The following TYW1B variants were observed in gnomAD, a reference collection of about 807,000 sequenced individuals.
The protein encoded by TYW1B is S-adenosyl-L-methionine-dependent tRNA 4-demethylwyosine synthase TYW1B.
TYW1B carries 73 observed loss-of-function variants against 86.9 expected under a neutral mutation model. The ratio of observed to expected loss-of-function variants is 0.84; its 90% CI spans 0.70 to 1.02. The LOEUF is 1.02. Ranked by LOEUF, TYW1B falls within the 50% of genes least tolerant of loss-of-function variation. The pLI, the probability that TYW1B is intolerant of heterozygous loss-of-function variation, is 0.00. For missense variants in TYW1B, 637 were observed against 827.4 expected, an observed-to-expected ratio of 0.77 and a Z score of 2.82; for synonymous variants, 248 against 292.8, an observed-to-expected ratio of 0.85 and a Z score of 1.56.
intron 10 of TYW1B, among the ~76,000 whole-genome samples, chr7:72,697,374 A>T (rs1364225371): frequency 6.6e-6 from 1 of 152,118 alleles, no homozygotes; most frequent in Admixed American, 6.6e-5. Flanking sequence ...GCTGCACTCA[A>T]GGAAGTCTAC....
chr7:72,659,544 C>T (rs569447300), intron 11 of TYW1B, among the ~76,000 whole-genome samples: 1 of 152,276 alleles, frequency 6.6e-6, no homozygotes, highest in African/African-American at 2.4e-5. Context: ...TGCCACTGCA[C>T]TCTAGCCTCG....
At chr7:72,781,975 T>C (rs1248547878) in intron 6 of TYW1B, among the ~76,000 whole-genome samples, 7 of 152,352 alleles carry the variant, frequency 4.6e-5, no homozygotes, top group African/African-American at 1.4e-4. Flanking sequence ...TTTTTATTTG[T>C]TTTTGTTTTA....
intron 13 of TYW1B, 83 bp from the exon 14 acceptor site, chr7:72,575,802 G>A: frequency 6.4e-7 from 1 of 1,558,072 alleles, no homozygotes; most frequent in East Asian, 2.3e-5. Context: ...TCATGAACAA[G>A]TCTGATCTTT....
intron 8 of TYW1B, among the ~76,000 whole-genome samples, chr7:72,729,531 T>A (rs1400554484): frequency 6.6e-6 from 1 of 151,894 alleles, no homozygotes; most frequent in African/African-American, 2.4e-5. Flanking sequence ...ATATAAAAGA[T>A]TACAATGCCA....
chr7:72,826,813 C>G (rs552404093), intron 2 of TYW1B, 42 bp downstream of exon 2: 1 of 1,591,790 alleles, frequency 6.3e-7, no homozygotes, highest in African/African-American at 1.4e-5. Context: ...TCTATAAAAT[C>G]TGATGCCTAA....
chr7:72,622,243 A>G (rs1554438086), intron 12 of TYW1B, among the ~76,000 whole-genome samples: 1 of 152,208 alleles, frequency 6.6e-6, no homozygotes, highest in Non-Finnish European at 1.5e-5. Context: ...GATACATGCT[A>G]ATTTACAAGG....
At chr7:72,611,554 T>C (rs1479289011) in intron 13 of TYW1B, among the ~76,000 whole-genome samples, 1 of 152,088 alleles carries the variant, frequency 6.6e-6, no homozygotes, top group Non-Finnish European at 1.5e-5. Context: ...CTTCTACCAT[T>C]ATTGTGAGGC....
Position 72,810,461 on chromosome 7 carries a change from A to G in TYW1B, c.432+10T>C, listed in dbSNP as rs782338543. Reference sequence around the variant, plus strand: ...GGAGAATTTATTCCTATAATTCAATATAGACCTACCTTGTTGAAGTGGCTA... The same window carrying G: ...GGAGAATTTATTCCTATAATTCAATGTAGACCTACCTTGTTGAAGTGGCTA... On this transcript the variant is annotated intron_variant, in intron 4 of 13. Transcript: ENST00000620995. 2.5e-6 allele frequency: 4 copies of G among 1,605,576 alleles called. No homozygotes were observed. Among genetic ancestry groups the G allele is most frequent in the Non-Finnish European group, 3.4e-6 (4 of 1,175,230 alleles).
intron 13 of TYW1B, among the ~76,000 whole-genome samples, chr7:72,601,571 G>A (rs1232685348): frequency 6.6e-6 from 1 of 151,964 alleles, no homozygotes; most frequent in Non-Finnish European, 1.5e-5. Flanking sequence ...TTAATGTTTA[G>A]AGCAGCTTTG....
At chr7:72,661,103 T>C (rs797026781) in intron 11 of TYW1B, among the ~76,000 whole-genome samples, 3,505 of 141,248 alleles carry the variant, frequency 0.025, 134 homozygotes, top group African/African-American at 0.09. Context: ...CCACTACACT[T>C]CAGTCTGGAC....
chr7:72,725,428 C>G (rs1786980977), intron 9 of TYW1B, among the ~76,000 whole-genome samples: 1 of 152,208 alleles, frequency 6.6e-6, no homozygotes, highest in South Asian at 2.1e-4. Context: ...AGCACTAACT[C>G]AAAAATCAAC....
At chr7:72,764,563 G>A (rs1398524473) in intron 7 of TYW1B, among the ~76,000 whole-genome samples, 1 of 152,182 alleles carries the variant, frequency 6.6e-6, no homozygotes, top group Non-Finnish European at 1.5e-5. Context: ...TTACAGGGGT[G>A]AGCCACCGCA....
chr7:72,826,663 T>G lies in TYW1B; in HGVS notation c.135+192A>C, dbSNP rs529189636. 2.6e-5 allele frequency among the ~76,000 whole-genome samples: 4 copies of G among 152,276 alleles called. No homozygotes were observed. In the South Asian group the frequency reaches 8.3e-4, roughly 32 times the overall value. ...GTATCTTAAAAATGAGACACACCTA[T>G]CAAAGAAAAAGTAAGTAACTTAATC... On this transcript the variant is annotated intron_variant, in intron 2 of 13. Transcript: ENST00000620995.
chr7:72,639,496 G>A (rs1812751560), intron 11 of TYW1B, among the ~76,000 whole-genome samples: 1 of 152,094 alleles, frequency 6.6e-6, no homozygotes, highest in African/African-American at 2.4e-5. Context: ...CCTTCAGCTG[G>A]AAGAAGAGAC....
intron 13 of TYW1B, among the ~76,000 whole-genome samples, chr7:72,610,094 G>T (rs1476386125): frequency 6.6e-6 from 1 of 152,282 alleles, no homozygotes; most frequent in East Asian, 1.9e-4. Flanking sequence ...TTCTTTCAAT[G>T]ATGTCATAAC....
chr7:72,611,091 T>C (rs1811922817), intron 13 of TYW1B, among the ~76,000 whole-genome samples: 1 of 152,076 alleles, frequency 6.6e-6, no homozygotes, highest in South Asian at 2.1e-4. Flanking sequence ...GGACCTCTGC[T>C]TGTTCTGTTT....
intron 6 of TYW1B, among the ~76,000 whole-genome samples, chr7:72,800,670 A>G (rs1164127971): frequency 2.7e-5 from 4 of 149,266 alleles, no homozygotes; most frequent in African/African-American, 4.9e-5. Flanking sequence ...GTATGTTTCA[A>G]TATGTGGGAG....
chr7:72,635,729 T>A (rs540306155), intron 11 of TYW1B, among the ~76,000 whole-genome samples: 6 of 152,352 alleles, frequency 3.9e-5, no homozygotes, highest in Non-Finnish European at 8.8e-5. Context: ...TGGCATTGAA[T>A]CTATAAGCCA....
At chr7:72,755,401 C>T (rs797042934) in intron 7 of TYW1B, among the ~76,000 whole-genome samples, 1 of 151,712 alleles carries the variant, frequency 6.6e-6, no homozygotes, top group Non-Finnish European at 1.5e-5. Flanking sequence ...CCTGGCCGGG[C>T]GTGATGGCTC....
Sources: gnomAD v4.1 joint callset for allele counts (sites outside exome capture counted in the v4.1 genomes callset) on GRCh38, gnomAD v4.1.1 for gene constraint, MANE v1.5 for transcripts, NCBI Gene and HGNC (gene_info 2026-07-23, HGNC 2026-07-21) for gene names.